The following TRPS1 variants were observed in gnomAD, a reference collection of about 807,000 sequenced individuals.
TRPS1 encodes the protein zinc finger transcription factor Trps1.
A neutral mutation model predicts 101.2 loss-of-function variants in TRPS1; 6 were observed. That is an observed-to-expected ratio of 0.06 (90% CI 0.03 to 0.12). TRPS1 has a LOEUF of 0.12. TRPS1 is among the 10% of genes least tolerant of loss of function. The pLI is 1.00. For missense variants in TRPS1, 1,363 were observed against 1,567.0 expected (o/e 0.87, Z 2.20); for synonymous variants, 578 against 589.8 (o/e 0.98, Z 0.29).
At chr8:115,455,775 C>CTT (rs386413741) in intron 5 of TRPS1, among the ~76,000 whole-genome samples, 20 of 119,988 alleles carry the variant, frequency 1.7e-4, no homozygotes, top group Non-Finnish European at 2.8e-4. Context: ...TTCTTTCTTT[C>CTT]TTTTTTTTTT....
intron 5 of TRPS1, among the ~76,000 whole-genome samples, chr8:115,498,415 CTATATATATATATATATATATA>C (rs67505193): frequency 7.6e-5 from 3 of 39,316 alleles, no homozygotes; most frequent in African/African-American, 3.3e-4. Context: ...CTCTCTCTCT[CTATATATATATATATATATATA>C]TATATATATA....
At chr8:115,507,215 C>T (rs1815467401) in intron 5 of TRPS1, among the ~76,000 whole-genome samples, 2 of 152,066 alleles carry the variant, frequency 1.3e-5, no homozygotes, top group South Asian at 2.1e-4. Context: ...GCTGCAAGCT[C>T]GTTCGTTTGT....
chr8:115,648,422 G>C (rs1811476026), intron 1 of TRPS1, among the ~76,000 whole-genome samples: 1 of 152,220 alleles, frequency 6.6e-6, no homozygotes, highest in Non-Finnish European at 1.5e-5. Context: ...CGCCGAGCAC[G>C]CGTGGTGGCG....
intron 5 of TRPS1, among the ~76,000 whole-genome samples, chr8:115,481,879 G>A (rs935169426): frequency 6.6e-6 from 1 of 152,162 alleles, no homozygotes; most frequent in African/African-American, 2.4e-5. Context: ...TAATGCAAAG[G>A]CACAGTGAAG....
At chr8:115,617,940 G>A (rs1198081044) in intron 3 of TRPS1, among the ~76,000 whole-genome samples, 1 of 152,134 alleles carries the variant, frequency 6.6e-6, no homozygotes, top group African/African-American at 2.4e-5. Context: ...AAAGTGATAA[G>A]ATTGCCATTC....
At chr8:115,596,198 C>T (rs564407279) in intron 4 of TRPS1, among the ~76,000 whole-genome samples, 8 of 151,836 alleles carry the variant, frequency 5.3e-5, no homozygotes, top group East Asian at 1.9e-4. Context: ...GTCTTGTCAT[C>T]GCATACACTA....
intron 5 of TRPS1, among the ~76,000 whole-genome samples, chr8:115,535,133 A>ATATCGCATATATATAGCATATG (rs1816254404): frequency 6.9e-6 from 1 of 144,292 alleles, no homozygotes; most frequent in East Asian, 2.0e-4. Flanking sequence ...TATAGCATAT[A>ATATCGCATATATATAGCATATG]TATAGCATAT....
intron 5 of TRPS1, among the ~76,000 whole-genome samples, chr8:115,472,652 C>G (rs1814501034): frequency 6.6e-6 from 1 of 152,174 alleles, no homozygotes; most frequent in South Asian, 2.1e-4. Context: ...CTTTTATGCT[C>G]TCTTCCCTTT....
At chr8:115,438,304 G>A (rs1267945392) in intron 5 of TRPS1, among the ~76,000 whole-genome samples, 1 of 152,148 alleles carries the variant, frequency 6.6e-6, no homozygotes, top group African/African-American at 2.4e-5. Context: ...TGCTCTACCT[G>A]TAAAAGGCAT....
At chr8:115,561,835 A>G (rs774616721) in intron 5 of TRPS1, among the ~76,000 whole-genome samples, 2 of 148,194 alleles carry the variant, frequency 1.3e-5, no homozygotes, top group African/African-American at 2.5e-5. Context: ...AACCCCATCT[A>G]AAAAAAAAAG....
At chr8:115,424,489 C>T (rs894879842) in intron 5 of TRPS1, among the ~76,000 whole-genome samples, 3 of 152,174 alleles carry the variant, frequency 2.0e-5, no homozygotes, top group African/African-American at 7.2e-5. Flanking sequence ...GGTCTGTAAT[C>T]TTGCAGATTT....
At chr8:115,415,739 C>G (rs1812904493) in intron 6 of TRPS1, among the ~76,000 whole-genome samples, 1 of 152,124 alleles carries the variant, frequency 6.6e-6, no homozygotes, top group Non-Finnish European at 1.5e-5. Flanking sequence ...GACAGCCCTC[C>G]TCAGAATCCA....
intron 5 of TRPS1, among the ~76,000 whole-genome samples, chr8:115,584,416 A>G (rs1817519610): frequency 6.6e-6 from 1 of 151,922 alleles, no homozygotes; most frequent in Non-Finnish European, 1.5e-5. Context: ...TTCAAGTTCT[A>G]TTTTATTGTT....
intron 5 of TRPS1, among the ~76,000 whole-genome samples, chr8:115,513,771 C>T (rs1185182972): frequency 6.6e-6 from 1 of 151,552 alleles, no homozygotes; most frequent in African/African-American, 2.4e-5. Flanking sequence ...TCTTTCAAAT[C>T]AGAAATCAGA....
chr8:115,632,429 A>G lies in TRPS1; in HGVS notation c.-121-8671T>C, dbSNP rs78965650. The stretch of plus-strand genomic sequence containing the variant: ...TGGATTAGACGCCAAGAAACTTAAA[A>G]CATTCAGAAGGACACAAAACCAGAA... On this transcript the variant is annotated intron_variant, in intron 1 of 6. Transcript: ENST00000395715. 9.5e-3 allele frequency among the ~76,000 whole-genome samples: 1,451 copies of G among 152,232 alleles called. 34 individuals carry two copies. The highest frequency in any genetic ancestry group is 0.034 in the African/African-American group (1,397 of 41,526).
Position 115,418,219 on chromosome 8 carries a change from C to A in TRPS1, c.2823+111G>T, listed in dbSNP as rs1194318409. On this transcript the variant is annotated intron_variant, in intron 6 of 6. Coordinates refer to ENST00000395715, the MANE Select transcript of TRPS1 (RefSeq NM_014112.5). This position sits in a 1 kb window ranked among gnomAD's most constrained non-coding sequence, Gnocchi z 4.3. Reference sequence around the variant, plus strand: ...TGCACTCAAAGTGACTGTATTAAAACAACCCTGCGGGGGCAGGCACTGCAA... The same window carrying A: ...TGCACTCAAAGTGACTGTATTAAAAAAACCCTGCGGGGGCAGGCACTGCAA... The A allele has an allele frequency of 1.3e-6, 2 of 1,584,330 alleles. No homozygotes were observed. The highest frequency in any genetic ancestry group is 4.5e-5 in the East Asian group (2 of 44,662).
chr8:115,542,761 T>C (rs533092676), intron 5 of TRPS1, among the ~76,000 whole-genome samples: 98 of 152,258 alleles, frequency 6.4e-4, no homozygotes, highest in African/African-American at 2.2e-3. Context: ...GAGGATTAAT[T>C]AGTGCCTGTG....
At chr8:115,624,771 A>G (rs1818468618) in intron 1 of TRPS1, among the ~76,000 whole-genome samples, 1 of 151,850 alleles carries the variant, frequency 6.6e-6, no homozygotes, top group South Asian at 2.1e-4. Context: ...CTTAAAAATA[A>G]TTCTAACTAT....
rs1451902095 is a variant in TRPS1 at position 115,411,528 on chromosome 8, T to C, written c.*2495A>G. ...TTTTACTAAGAAAATTAAATATTGT[T>C]GTTTGGGGGAATCTCCTCTCTTTTT... On this transcript the variant is annotated 3_prime_UTR_variant, in exon 7 of 7. Transcript: ENST00000395715. 6.6e-6 allele frequency: 1 copy of C among 152,498 alleles called. No individual in the cohort carries two copies. Among genetic ancestry groups the C allele is most frequent in the African/African-American group, 2.4e-5 (1 of 41,434 alleles). The allele number at this position is 152,498 out of a possible 1,614,324, so 9.4% of individuals were successfully genotyped here. A position where few individuals can be genotyped will look rare whatever the true frequency, so the allele number is the denominator to read the frequency against.
Sources: gnomAD v4.1 joint callset for allele counts (sites outside exome capture counted in the v4.1 genomes callset) on GRCh38, gnomAD v4.1.1 for gene constraint, Gnocchi (gnomAD v3.1) non-coding constraint, MANE v1.5 for transcripts, NCBI Gene and HGNC (gene_info 2026-07-23, HGNC 2026-07-21) for gene names.